Variants in LMF1 observed in about 807,000 individuals in gnomAD.
LMF1 encodes the protein lipase maturation factor 1, also known as transmembrane protein 112.
LMF1 carries 68 observed loss-of-function variants against 60.6 expected under a neutral mutation model. That is an observed-to-expected ratio of 1.12 (90% CI 0.92 to 1.37). LMF1 has a LOEUF of 1.37. Ranked by LOEUF, LMF1 falls within the 40% of genes most tolerant of loss-of-function variation. The probability of loss-of-function intolerance (pLI) is 0.00; values close to 1 mark genes in which losing one functional copy is unlikely to be tolerated. For synonymous variants in LMF1, 418 were observed against 324.7 expected (o/e 1.29, Z -3.09); for missense variants, 948 against 767.2 (o/e 1.24, Z -2.78).
At chr16:977,264 C>T (rs1372633248) in intron 1 of LMF1, among the ~76,000 whole-genome samples, 1 of 152,218 alleles carries the variant, frequency 6.6e-6, no homozygotes, top group East Asian at 1.9e-4. Context: ...GCACCCGAGA[C>T]AGTGAAGTAC....
chr16:853,700 G>T lies in LMF1; in HGVS notation c.*832C>A. ...AGAATATGCCATAGCTATGGCTCAA[G>T]AATAGGAATAAGAAAAATGTGCAGT... On this transcript the variant is annotated 3_prime_UTR_variant, in exon 11 of 11. Transcript: ENST00000262301. 2.2e-6 allele frequency: 1 copy of T among 454,154 alleles called. No homozygotes were observed. The highest frequency in any genetic ancestry group is 4.4e-6 in the Non-Finnish European group (1 of 226,788). 28.1% of individuals were successfully genotyped at this position (454,154 alleles called of 1,614,324 possible).
chr16:913,715 T>A (rs2071187977), intron 3 of LMF1, among the ~76,000 whole-genome samples: 1 of 152,178 alleles, frequency 6.6e-6, no homozygotes, highest in Non-Finnish European at 1.5e-5. Flanking sequence ...TCTCGGGGCA[T>A]CAGAAAAGGC....
chr16:976,714 A>G (rs2073155981), intron 1 of LMF1: 1 of 453,974 alleles, frequency 2.2e-6, no homozygotes, highest in South Asian at 1.6e-5. Flanking sequence ...CCCAGCCTGG[A>G]GTGACGGACG....
chr16:945,342 T>C (rs4984616), intron 2 of LMF1, among the ~76,000 whole-genome samples: 72,082 of 151,432 alleles, frequency 0.48, 18,788 homozygotes, highest in African/African-American at 0.69. Flanking sequence ...CTGGGCAACA[T>C]AGTGAGACAT....
At chr16:895,612 T>C (rs11865185) in intron 4 of LMF1, among the ~76,000 whole-genome samples, 65,628 of 151,910 alleles carry the variant, frequency 0.43, 16,709 homozygotes, top group African/African-American at 0.68. Context: ...AACATGGGGC[T>C]CGCGAGACTG....
At chr16:976,342 G>A (rs114845795) in intron 1 of LMF1, 25 of 453,986 alleles carry the variant, frequency 5.5e-5, no homozygotes, top group Admixed American at 4.0e-4. Flanking sequence ...ATCAGGCTGC[G>A]ATCTGTAGTC....
chr16:906,393 C>G (rs2070972592), intron 4 of LMF1, among the ~76,000 whole-genome samples: 1 of 152,064 alleles, frequency 6.6e-6, no homozygotes, highest in African/African-American at 2.4e-5. Flanking sequence ...TGGTGGGCAC[C>G]ATCTCATCAG....
intron 7 of LMF1, 120 bp downstream of exon 7, chr16:871,041 G>T: frequency 7.2e-7 from 1 of 1,394,838 alleles, no homozygotes; most frequent in Non-Finnish European, 9.5e-7. Context: ...ACGCTACACT[G>T]CGGACGGCGC....
At position 936,608 on chromosome 16, in the gene LMF1, G is replaced by A. The variant is rs193021733; in HGVS notation, c.504-2354C>T. Among the ~76,000 whole-genome samples, 226 of 152,176 alleles carry A rather than the reference G, an allele frequency of 1.5e-3. 1 individual carries two copies. In the South Asian group the frequency reaches 0.017, roughly 11 times the overall value. On this transcript the variant is annotated intron_variant, in intron 2 of 10. Coordinates refer to ENST00000262301, the MANE Select transcript of LMF1 (RefSeq NM_022773.4). ...CCCCGTGGGCTGAGGAAGGAGGCTG[G>A]GAGGGAGAGAGGGCACTCTGTGGGC...
intron 3 of LMF1, chr16:931,661 A>G (rs547272792): frequency 1.2e-5 from 15 of 1,287,156 alleles, no homozygotes; most frequent in African/African-American, 1.5e-5. Context: ...TGGCAGCTCT[A>G]TGTTCTCCAA....
chr16:941,332 G>T (rs570883031), intron 2 of LMF1, among the ~76,000 whole-genome samples: 42 of 152,110 alleles, frequency 2.8e-4, no homozygotes, highest in African/African-American at 1.0e-3. Context: ...GACTCTCCCT[G>T]CCTCAGCCTC....
intron 5 of LMF1, among the ~76,000 whole-genome samples, chr16:888,028 T>G (rs1250725824): frequency 2.0e-5 from 3 of 152,134 alleles, no homozygotes; most frequent in African/African-American, 4.8e-5. Flanking sequence ...GAGTCGACTC[T>G]GGGGGGCTCC....
intron 2 of LMF1, among the ~76,000 whole-genome samples, chr16:944,397 T>G (rs918932240): frequency 6.6e-6 from 1 of 152,248 alleles, no homozygotes; most frequent in Admixed American, 6.5e-5. Context: ...GCTCCTTTAC[T>G]CTAATGCCTT....
chr16:951,999 G>A (rs3852758), intron 2 of LMF1, among the ~76,000 whole-genome samples: 51,020 of 152,018 alleles, frequency 0.34, 10,668 homozygotes, highest in African/African-American at 0.59. Context: ...CCGTGAGAGC[G>A]CCTGACCCCA....
chr16:964,899 G>A (rs968718992), intron 1 of LMF1, among the ~76,000 whole-genome samples: 1 of 152,228 alleles, frequency 6.6e-6, no homozygotes, highest in Admixed American at 6.5e-5. Flanking sequence ...CGATAAAACT[G>A]CCCCACGCGG....
At chr16:868,897 C>G (rs1596856688) in intron 10 of LMF1, 47 bp downstream of exon 10, 3 of 1,268,096 alleles carry the variant, frequency 2.4e-6, no homozygotes, top group East Asian at 2.3e-5. Context: ...CAGCAGACAC[C>G]TGGATTTGGG....
At chr16:963,176 G>A (rs1041797057) in intron 1 of LMF1, among the ~76,000 whole-genome samples, 10 of 152,044 alleles carry the variant, frequency 6.6e-5, no homozygotes, top group African/African-American at 1.7e-4. Context: ...GTCGCAGGGC[G>A]GGAAACAGGG....
At chr16:964,400 T>C (rs2072882311) in intron 1 of LMF1, among the ~76,000 whole-genome samples, 1 of 152,160 alleles carries the variant, frequency 6.6e-6, no homozygotes, top group Non-Finnish European at 1.5e-5. Flanking sequence ...GAAATGCCGT[T>C]CTCTGTTGAT....
intron 4 of LMF1, chr16:901,591 T>A (rs1464193981): frequency 1.3e-5 from 2 of 152,246 alleles, no homozygotes; most frequent in Non-Finnish European, 2.9e-5. Context: ...AGACCTTCAC[T>A]TTGACACGAC....
Sources: gnomAD v4.1 joint callset for allele counts (sites outside exome capture counted in the v4.1 genomes callset) on GRCh38, gnomAD v4.1.1 for gene constraint, MANE v1.5 for transcripts, NCBI Gene and HGNC (gene_info 2026-07-23, HGNC 2026-07-21) for gene names.